The following DMD variants were observed in gnomAD, a reference collection of about 807,000 sequenced individuals.
The protein encoded by DMD is mutant dystrophin.
In DMD, 63 loss-of-function variants were observed where a neutral mutation model predicts 330.1. The observed-to-expected ratio is 0.19, with a 90% CI of 0.16 to 0.24. The LOEUF is 0.24. Ranked by LOEUF, DMD falls within the 10% of genes least tolerant of loss-of-function variation. The pLI, the probability that DMD is intolerant of heterozygous loss-of-function variation, is 1.00. For missense variants in DMD, 3,344 were observed against 2,684.1 expected, an observed-to-expected ratio of 1.25 and a Z score of -5.43; for synonymous variants, 1,223 against 959.8, an observed-to-expected ratio of 1.27 and a Z score of -5.07.
chrX:31,957,412 T>C (rs1259209176), intron 45 of DMD, among the ~76,000 whole-genome samples: 2 of 111,733 alleles, frequency 1.8e-5, no homozygotes, highest in Non-Finnish European at 3.8e-5. Flanking sequence ...TGATCAGGGA[T>C]AGTGAGGCAG....
At chrX:31,721,773 T>C (rs1173535594) in intron 52 of DMD, among the ~76,000 whole-genome samples, 1 of 92,989 alleles carries the variant, frequency 1.1e-5, no homozygotes, top group Non-Finnish European at 2.1e-5. Flanking sequence ...CAACAGAAGA[T>C]AGATGGAAAG....
At chrX:33,014,984 G>C (rs1304027555) in intron 2 of DMD, among the ~76,000 whole-genome samples, 2 of 111,444 alleles carry the variant, frequency 1.8e-5, no homozygotes, top group Non-Finnish European at 3.8e-5. Flanking sequence ...AAGGTAGAGA[G>C]TAGTGTGAAG....
chrX:32,118,863 A>T (rs976546469), intron 44 of DMD, among the ~76,000 whole-genome samples: 1 of 110,788 alleles, frequency 9.0e-6, no homozygotes, highest in Admixed American at 9.6e-5. Context: ...AGATTCTCAT[A>T]AGGAGCACAC....
At chrX:32,719,061 TA>T (rs2066005080) in intron 7 of DMD, among the ~76,000 whole-genome samples, 1 of 111,682 alleles carries the variant, frequency 9.0e-6, no homozygotes, top group South Asian at 3.8e-4. Flanking sequence ...CTAGAGAAGG[TA>T]GGCAAATAGG....
At chrX:31,831,882 G>A (rs1008763311) in intron 49 of DMD, among the ~76,000 whole-genome samples, 52 of 112,548 alleles carry the variant, frequency 4.6e-4, no homozygotes, top group African/African-American at 1.3e-3. Flanking sequence ...TATTACAGGC[G>A]CGAGCCACCG....
chrX:32,855,007 A>T (rs1363347003), intron 2 of DMD, among the ~76,000 whole-genome samples: 1 of 112,207 alleles, frequency 8.9e-6, no homozygotes, highest in East Asian at 2.8e-4. Flanking sequence ...TGTCCTAGGG[A>T]TGCCAAGATG....
chrX:32,750,810 A>C (rs2070712380), intron 7 of DMD, among the ~76,000 whole-genome samples: 1 of 111,381 alleles, frequency 9.0e-6, no homozygotes, highest in Non-Finnish European at 1.9e-5. Flanking sequence ...ATGAATTCCC[A>C]CATGTTGTAG....
intron 62 of DMD, among the ~76,000 whole-genome samples, chrX:31,311,785 C>T (rs2055541437): frequency 9.0e-6 from 1 of 111,085 alleles, no homozygotes; most frequent in Admixed American, 9.6e-5. Context: ...CCATGAAAGA[C>T]CTCAGAAATA....
At chrX:32,602,486 C>T (rs976543759) in intron 12 of DMD, among the ~76,000 whole-genome samples, 5 of 111,596 alleles carry the variant, frequency 4.5e-5, no homozygotes, top group South Asian at 3.7e-4. Flanking sequence ...AGAGGAAATG[C>T]TATGCATTGT....
At chrX:32,589,477 C>A (rs909111188) in intron 13 of DMD, among the ~76,000 whole-genome samples, 2 of 109,095 alleles carry the variant, frequency 1.8e-5, no homozygotes, top group African/African-American at 6.7e-5. Flanking sequence ...CAAAGATGTA[C>A]GTATGTATAT....
chrX:31,134,248 T>C (rs1276057183), intron 76 of DMD, 54 bp from the exon 77 acceptor site: 1 of 976,136 alleles, frequency 1.0e-6, no homozygotes, highest in African/African-American at 1.9e-5. Flanking sequence ...AAAACAGATA[T>C]TAAAGGGCCA....
chrX:32,028,733 A>G (rs1247263613), intron 44 of DMD, among the ~76,000 whole-genome samples: 1 of 111,528 alleles, frequency 9.0e-6, no homozygotes, highest in Non-Finnish European at 1.9e-5. Context: ...ATTGAACACA[A>G]AGGAAGTGTC....
At chrX:32,663,311 T>C (rs2061070399) in intron 9 of DMD, among the ~76,000 whole-genome samples, 1 of 111,906 alleles carries the variant, frequency 8.9e-6, no homozygotes, top group Admixed American at 9.5e-5. Context: ...TATCCATTAT[T>C]ATTTTGCTTT....
At chrX:32,707,546 A>G (rs960635054) in intron 7 of DMD, among the ~76,000 whole-genome samples, 5 of 111,975 alleles carry the variant, frequency 4.5e-5, no homozygotes, top group African/African-American at 1.6e-4. Context: ...TTCAAAAATC[A>G]AATTTCTGCC....
intron 2 of DMD, among the ~76,000 whole-genome samples, chrX:32,983,797 TTC>T (rs1042904765): frequency 3.6e-5 from 4 of 111,476 alleles, no homozygotes; most frequent in African/African-American, 6.5e-5. Context: ...TTTTTTTATT[TTC>T]TGTTTGGATT....
intron 41 of DMD, among the ~76,000 whole-genome samples, chrX:32,316,866 G>C (rs1324611835): frequency 1.8e-5 from 2 of 110,752 alleles, no homozygotes; most frequent in Non-Finnish European, 3.8e-5. Context: ...AATCTATAAT[G>C]AGAAAACTAC....
At chrX:32,658,813 A>G (rs1336972181) in intron 9 of DMD, among the ~76,000 whole-genome samples, 1 of 111,790 alleles carries the variant, frequency 8.9e-6, no homozygotes, top group Non-Finnish European at 1.9e-5. Flanking sequence ...GCATTCGGGA[A>G]ACTTTAAGTC....
At chrX:32,372,119 A>T (rs2097881026) in intron 34 of DMD, among the ~76,000 whole-genome samples, 1 of 111,515 alleles carries the variant, frequency 9.0e-6, no homozygotes, top group African/African-American at 3.2e-5. Context: ...GGAACATTTG[A>T]TCAGGTGATT....
intron 64 of DMD, among the ~76,000 whole-genome samples, chrX:31,210,169 T>A (rs1286811965): frequency 1.8e-5 from 2 of 112,190 alleles, no homozygotes; most frequent in African/African-American, 6.5e-5. Flanking sequence ...TAGCTATGCA[T>A]TTATAATCAT....
Sources: gnomAD v4.1 joint callset for allele counts (sites outside exome capture counted in the v4.1 genomes callset) on GRCh38, gnomAD v4.1.1 for gene constraint, MANE v1.5 for transcripts, NCBI Gene and HGNC (gene_info 2026-07-23, HGNC 2026-07-21) for gene names.